Variants in TNS1 observed in about 807,000 individuals in gnomAD.
TNS1 encodes the protein tensin-1.
TNS1 carries 62 observed loss-of-function variants against 168.6 expected under a neutral mutation model. The observed-to-expected ratio is 0.37, with a 90% CI of 0.30 to 0.45. TNS1 has a LOEUF of 0.45. Ranked by LOEUF, TNS1 falls within the 20% of genes least tolerant of loss-of-function variation. The pLI is 1.00. For missense variants in TNS1, 2,240 were observed against 2,339.4 expected (o/e 0.96, Z 0.88); for synonymous variants, 934 against 933.2 (o/e 1.00, Z -0.02).
chr2:217,938,642 C>T (rs752164050), intron 3 of TNS1, among the ~76,000 whole-genome samples: 1 of 152,218 alleles, frequency 6.6e-6, no homozygotes, highest in Non-Finnish European at 1.5e-5. Context: ...GGGCAGGCTT[C>T]CTGGAGGCCA....
chr2:217,944,952 C>T (rs1160939607), intron 3 of TNS1, among the ~76,000 whole-genome samples: 9 of 152,348 alleles, frequency 5.9e-5, no homozygotes, highest in East Asian at 1.9e-4. Flanking sequence ...AAGTTATTTG[C>T]TACACACCTA....
At chr2:217,959,890 G>C (rs1178764240) in intron 3 of TNS1, among the ~76,000 whole-genome samples, 3 of 151,920 alleles carry the variant, frequency 2.0e-5, no homozygotes, top group Admixed American at 6.6e-5. Context: ...TGGGAGGGTG[G>C]GAGTGAGGGG....
intron 6 of TNS1, among the ~76,000 whole-genome samples, chr2:217,903,007 C>A (rs1166674955): frequency 2.0e-5 from 3 of 152,176 alleles, no homozygotes; most frequent in Non-Finnish European, 4.4e-5. Context: ...AGCAAACACA[C>A]CCTACTGCTC....
intron 3 of TNS1, among the ~76,000 whole-genome samples, chr2:217,962,120 C>A (rs896859749): frequency 2.0e-5 from 3 of 152,170 alleles, no homozygotes; most frequent in East Asian, 1.9e-4. Context: ...CTCTGGAGAA[C>A]CCTGATGAAT....
rs373229994 is a variant in TNS1, at chr2:217,847,889, T to G, written c.2628A>C (p.Gly876=). 8 of 1,553,234 alleles carry G rather than the reference T, an allele frequency of 5.2e-6. 1 individual carries two copies. The African/African-American group carries it at 9.5e-5, about 18-fold the overall frequency. ...ASPLSSQPLS[G]SSRQSHPLTQ... ...TCAGTGGATGGGACTGACGGGAGGA[T>G]CCAGAGAGGGGCTGGGAGGAGAGTG... Residue 876 remains glycine, a synonymous_variant, in exon 19 of 33, where the codon GGA becomes GGC. Coordinates refer to ENST00000682258, the MANE Select transcript of TNS1 (RefSeq NM_001387777.1).
chr2:217,810,384 C>G (rs772588115), intron 28 of TNS1, 65 bp from the exon 29 acceptor site: 12 of 1,518,272 alleles, frequency 7.9e-6, no homozygotes, highest in Non-Finnish European at 1.1e-5. Context: ...TTTGGCTGGG[C>G]TGAAGGTGAG....
At chr2:217,956,362 G>A (rs768767502) in intron 3 of TNS1, among the ~76,000 whole-genome samples, 45 of 152,094 alleles carry the variant, frequency 3.0e-4, no homozygotes, top group Non-Finnish European at 6.3e-4. Flanking sequence ...GAACAAGGGA[G>A]GCTCCTGGAG....
chr2:217,951,683 C>A (rs575072323), intron 3 of TNS1, among the ~76,000 whole-genome samples: 1 of 152,090 alleles, frequency 6.6e-6, no homozygotes, highest in Non-Finnish European at 1.5e-5. Flanking sequence ...ATCCTCAAGG[C>A]GGCTCCCACC....
At chr2:217,915,356 T>C (rs567761583) in intron 4 of TNS1, among the ~76,000 whole-genome samples, 7 of 152,352 alleles carry the variant, frequency 4.6e-5, no homozygotes, top group African/African-American at 1.4e-4. Context: ...TTTCTTTATC[T>C]GCAAAAGAAC....
chr2:217,830,131 G>A (rs181424011), intron 22 of TNS1: 138 of 487,988 alleles, frequency 2.8e-4, no homozygotes, highest in African/African-American at 1.6e-3. Context: ...CCAAGGCTCC[G>A]AGGCATAGTT....
Position 217,893,392 on chromosome 2 carries a change from GCGCGCGCGCACA to G in TNS1, c.717+35_717+46del, listed in dbSNP as rs774925964. On this transcript the variant is annotated intron_variant, in intron 10 of 32. Coordinates refer to ENST00000682258, the MANE Select transcript of TNS1 (RefSeq NM_001387777.1). ...CAGGCACACACACATGTGCGCATGT[GCGCGCGCGCACA>G]CACACACACACACACACACACACAC... 2.0e-4 allele frequency: 298 copies of G among 1,479,006 alleles called. No individual in the cohort carries two copies. The African/African-American group carries it at 5.0e-3, about 25-fold the overall frequency. 91.6% of individuals were successfully genotyped at this position (1,479,006 alleles called of 1,614,324 possible).
intron 18 of TNS1, among the ~76,000 whole-genome samples, chr2:217,855,029 G>T (rs1947959591): frequency 6.6e-6 from 1 of 152,162 alleles, no homozygotes; most frequent in East Asian, 1.9e-4. Context: ...TAGCACTCAG[G>T]AGCTAAGGCT....
chr2:217,834,653 C>T (rs1314631494), intron 21 of TNS1, among the ~76,000 whole-genome samples: 1 of 152,140 alleles, frequency 6.6e-6, no homozygotes, highest in African/African-American at 2.4e-5. Context: ...TCCCTCTCTC[C>T]TTGGTAGAAG....
At position 217,934,554 on chromosome 2, in the gene TNS1, C is replaced by A. The variant is rs374651856; in HGVS notation, c.187-14318G>T. 1.4e-4 allele frequency among the ~76,000 whole-genome samples: 21 copies of A among 152,336 alleles called. 1 individual carries two copies. In the East Asian group the frequency reaches 3.3e-3, roughly 24 times the overall value. On this transcript the variant is annotated intron_variant, in intron 3 of 32. Transcript: ENST00000682258. ...CTCCCACTCTGTTCCCTTTGGGTGG[C>A]CAAGGCAGGCAGCAGATCTTCCCCA...
At chr2:217,873,529 G>A (rs765539111) in intron 18 of TNS1, among the ~76,000 whole-genome samples, 1 of 152,194 alleles carries the variant, frequency 6.6e-6, no homozygotes, top group Non-Finnish European at 1.5e-5. Flanking sequence ...GGGGCCAGGA[G>A]TGCTGACTTT....
At chr2:217,921,663 CA>C (rs1393606972) in intron 3 of TNS1, among the ~76,000 whole-genome samples, 1 of 152,130 alleles carries the variant, frequency 6.6e-6, no homozygotes, top group African/African-American at 2.4e-5. Flanking sequence ...CAAAGAGGCC[CA>C]AATGGAGTCC....
chr2:218,018,340 C>T (rs570093841), intron 1 of TNS1, among the ~76,000 whole-genome samples: 5 of 152,362 alleles, frequency 3.3e-5, no homozygotes, highest in Admixed American at 2.0e-4. Flanking sequence ...TCTGAGTCTT[C>T]ACTGTCCCAT....
intron 3 of TNS1, among the ~76,000 whole-genome samples, chr2:217,966,780 G>A (rs1275363660): frequency 2.0e-5 from 3 of 152,210 alleles, no homozygotes; most frequent in Non-Finnish European, 4.4e-5. Context: ...GCTGTGGGGA[G>A]TAGAGGCTGA....
intron 6 of TNS1, chr2:217,903,531 C>T: frequency 6.6e-7 from 1 of 1,509,742 alleles, no homozygotes; most frequent in Non-Finnish European, 8.8e-7. Context: ...TGGCTCCTCT[C>T]AAGACACAGG....
Sources: allele counts gnomAD v4.1 joint callset (sites outside exome capture counted in the v4.1 genomes callset), GRCh38; gene constraint gnomAD v4.1.1; transcripts MANE v1.5; gene names NCBI Gene and HGNC (gene_info 2026-07-23, HGNC 2026-07-21).